CRHBP: variants seen among roughly 807,000 people sequenced by gnomAD.
CRHBP encodes the protein corticotropin-releasing hormone-binding protein.
In CRHBP, 19 loss-of-function variants were observed where a neutral mutation model predicts 34.9. The observed-to-expected ratio is 0.55, with a 90% CI of 0.38 to 0.80. The LOEUF (loss-of-function observed/expected upper bound fraction) is 0.80, where lower values mean the gene tolerates loss of function less well. CRHBP is among the 30% of genes least tolerant of loss of function. CRHBP has a pLI of 0.00. For missense variants in CRHBP, 328 were observed against 409.2 expected (o/e 0.80, Z 1.71); for synonymous variants, 154 against 153.4 (o/e 1.00, Z -0.03).
intron 6 of CRHBP, among the ~76,000 whole-genome samples, chr5:76,965,032 A>G (rs1364507742): frequency 6.6e-6 from 1 of 152,152 alleles, no homozygotes; most frequent in Non-Finnish European, 1.5e-5. Context: ...AAACACACAA[A>G]AAAATACAGT....
At chr5:76,975,287 C>CA (rs916686382) in intron 2 of CRHBP, among the ~76,000 whole-genome samples, 5 of 152,168 alleles carry the variant, frequency 3.3e-5, no homozygotes, top group Non-Finnish European at 7.3e-5. Flanking sequence ...CCCACCCTTA[C>CA]AACCCTTTTT....
rs544076006 is a variant in CRHBP, at chr5:76,953,954, G to T, written c.176-75G>T. 20 of 1,517,416 alleles carry T rather than the reference G, an allele frequency of 1.3e-5. No individual in the cohort carries two copies. The African/African-American group carries it at 2.4e-4, about 18-fold the overall frequency. The allele number at this position is 1,517,416 out of a possible 1,614,324, so 94.0% of individuals were successfully genotyped here. ...TACAGAGCCCGGGAATGGGGCGCGC[G>T]GAGAGCGGCCGCCCGAGGACGGCGC... On this transcript the variant is annotated intron_variant, in intron 2 of 6. Coordinates refer to ENST00000274368, the MANE Select transcript of CRHBP (RefSeq NM_001882.4).
At chr5:76,975,043 G>T (rs141249309) in intron 2 of CRHBP, among the ~76,000 whole-genome samples, 38 of 152,328 alleles carry the variant, frequency 2.5e-4, no homozygotes, top group African/African-American at 7.5e-4. Flanking sequence ...GGATGAGCTA[G>T]AAATAACCAT....
intron 3 of CRHBP, among the ~76,000 whole-genome samples, chr5:76,979,265 A>G (rs1337960901): frequency 2.6e-5 from 4 of 151,804 alleles, no homozygotes; most frequent in Non-Finnish European, 4.4e-5. Context: ...TGACCTCCCC[A>G]GGCTCAGGTG....
Position 76,958,745 on chromosome 5 carries a change from C to T in CRHBP, c.549C>T (p.Cys183=). Residue 183 remains cysteine (C), a synonymous_variant, in exon 5 of 7, where the codon TGC becomes TGT. Coordinates refer to ENST00000274368, the MANE Select transcript of CRHBP (RefSeq NM_001882.4). ...TIKTDPNLFP[C]NVISQTPNGK... The stretch of plus-strand genomic sequence containing the variant: ...TTCTTTTTCTTTTCTACAAAGCTTG[C>T]AATGTCATTTCTCAGACTCCAAATG... 6.2e-7 allele frequency: 1 copy of T among 1,605,238 alleles called. No individual in the cohort carries two copies. Among genetic ancestry groups the T allele is most frequent in the East Asian group, 2.2e-5 (1 of 44,844 alleles).
At chr5:76,965,551 CT>C (rs1745848620) in intron 6 of CRHBP, among the ~76,000 whole-genome samples, 1 of 152,216 alleles carries the variant, frequency 6.6e-6, no homozygotes, top group Admixed American at 6.5e-5. Flanking sequence ...TGGAGAGCAC[CT>C]TTGAGGAGAT....
At chr5:76,964,603 C>T (rs1346012715) in intron 6 of CRHBP, among the ~76,000 whole-genome samples, 3 of 152,218 alleles carry the variant, frequency 2.0e-5, no homozygotes, top group Non-Finnish European at 4.4e-5. Flanking sequence ...CCTGTAATCA[C>T]AGCACTTTGG....
intron 4 of CRHBP, among the ~76,000 whole-genome samples, chr5:76,957,142 TC>T (rs1232319994): frequency 6.6e-6 from 1 of 152,084 alleles, no homozygotes; most frequent in Non-Finnish European, 1.5e-5. Flanking sequence ...GAGTTTAAGA[TC>T]AGGCTGGCCC....
chr5:76,955,102 A>G (rs987972647), intron 3 of CRHBP, among the ~76,000 whole-genome samples: 2 of 152,178 alleles, frequency 1.3e-5, no homozygotes, highest in African/African-American at 2.4e-5. Context: ...ACCAGCCATC[A>G]TTGCCTGGCT....
chr5:76,956,678 C>A (rs979642950), intron 4 of CRHBP, among the ~76,000 whole-genome samples: 1 of 151,360 alleles, frequency 6.6e-6, no homozygotes, highest in South Asian at 2.1e-4. Context: ...GAGCTGAGAT[C>A]GCGCCACTGC....
rs567053350 is a variant in CRHBP, at chr5:76,953,068, G to A, written c.-67G>A. 8 of 1,514,844 alleles carry A rather than the reference G, an allele frequency of 5.3e-6. No individual in the cohort carries two copies. Among genetic ancestry groups the A allele is most frequent in the Admixed American group, 1.7e-5 (1 of 59,710 alleles). The allele number at this position is 1,514,844 out of a possible 1,614,324, so 93.8% of individuals were successfully genotyped here. ...CCAGCTTCTAGCTCTCAGTCTGCGCGAGGGTGTAGGAAGGAAAGCCCAGGA... is the reference window on the plus strand; with the variant it reads ...CCAGCTTCTAGCTCTCAGTCTGCGCAAGGGTGTAGGAAGGAAAGCCCAGGA... On this transcript the variant is annotated 5_prime_UTR_variant, in exon 1 of 7. Coordinates refer to ENST00000274368, the MANE Select transcript of CRHBP (RefSeq NM_001882.4).
At chr5:76,956,648 T>C (rs1211047107) in intron 4 of CRHBP, among the ~76,000 whole-genome samples, 1 of 150,898 alleles carries the variant, frequency 6.6e-6, no homozygotes, top group Non-Finnish European at 1.5e-5. Flanking sequence ...GGCGTGAACC[T>C]GGGAGGTGGA....
rs181820311 is a variant in CRHBP at position 76,962,899 on chromosome 5, C to T, written c.694-444C>T. 1.1e-3 allele frequency among the ~76,000 whole-genome samples: 168 copies of T among 152,196 alleles called. 3 individuals carry two copies. Among genetic ancestry groups the T allele is most frequent in the African/African-American group, 3.8e-3 (156 of 41,526 alleles). The stretch of plus-strand genomic sequence containing the variant: ...GAAAAGAGATGAGGTGAAGGAAAAA[C>T]GGATGTGAAAGCCCTATTTATAAAA... On this transcript the variant is annotated intron_variant, in intron 5 of 6. Transcript: ENST00000274368.
At chr5:76,979,680 T>C (rs1434798897) in intron 3 of CRHBP, among the ~76,000 whole-genome samples, 1 of 152,178 alleles carries the variant, frequency 6.6e-6, no homozygotes, top group African/African-American at 2.4e-5. Context: ...GTATGTACAT[T>C]GTTTTAGACA....
chr5:76,955,471 T>C (rs991156650), intron 3 of CRHBP, among the ~76,000 whole-genome samples, 182 bp from the exon 4 acceptor site: 3 of 152,196 alleles, frequency 2.0e-5, no homozygotes, highest in African/African-American at 7.2e-5. Context: ...TACTATTACT[T>C]GCAAACAACC....
At chr5:76,963,556 C>A in intron 6 of CRHBP, 96 bp downstream of exon 6, 1 of 1,046,838 alleles carries the variant, frequency 9.6e-7, no homozygotes, top group Non-Finnish European at 1.4e-6. Flanking sequence ...GTGAGTTTCG[C>A]CAAAAAAGCC....
intron 3 of CRHBP, among the ~76,000 whole-genome samples, chr5:76,977,987 A>G (rs1274931579): frequency 8.5e-5 from 13 of 152,256 alleles, no homozygotes; most frequent in Admixed American, 8.5e-4. Flanking sequence ...ATACATAAAC[A>G]GCCACAGCGT....
In CRHBP at chr5:76,953,835, G is replaced by T. The variant is rs868049681; in HGVS notation, c.175+141G>T. ...GGCGCGGTCCCCTTAGCTAAGGATC[G>T]GTCCGCGGAGGCGCGCCAGGAGCGG... is the stretch of plus-strand genomic sequence containing the variant. On this transcript the variant is annotated intron_variant, in intron 2 of 6. Coordinates refer to ENST00000274368, the MANE Select transcript of CRHBP (RefSeq NM_001882.4). The T allele has an allele frequency of 6.0e-6, 7 of 1,158,052 alleles. No homozygotes were observed. The Admixed American group carries it at 1.7e-4, about 28-fold the overall frequency. 71.7% of individuals were successfully genotyped at this position (1,158,052 alleles called of 1,614,324 possible). A position where few individuals can be genotyped will look rare whatever the true frequency, so the allele number is the denominator to read the frequency against.
At chr5:76,955,531 C>A in intron 3 of CRHBP, 122 bp from the exon 4 acceptor site, 1 of 769,262 alleles carries the variant, frequency 1.3e-6, no homozygotes, top group Non-Finnish European at 2.1e-6. Context: ...AGAGTGTGGA[C>A]TGTCGATTCT....
Sources: gnomAD v4.1 joint callset for allele counts (sites outside exome capture counted in the v4.1 genomes callset) on GRCh38, gnomAD v4.1.1 for gene constraint, MANE v1.5 for transcripts, NCBI Gene and HGNC (gene_info 2026-07-23, HGNC 2026-07-21) for gene names.